The following DAGLB variants were observed in gnomAD, a reference collection of about 807,000 sequenced individuals.
The protein encoded by DAGLB is diacylglycerol lipase-beta.
DAGLB carries 66 observed loss-of-function variants against 72.1 expected under a neutral mutation model. The observed-to-expected ratio is 0.92, with a 90% CI of 0.75 to 1.12. The LOEUF (loss-of-function observed/expected upper bound fraction) is 1.12, where lower values mean the gene tolerates loss of function less well. DAGLB is among the 50% of genes most tolerant of loss of function. DAGLB has a pLI of 0.00. For missense variants in DAGLB, 1,065 were observed against 884.9 expected (o/e 1.20, Z -2.58); for synonymous variants, 414 against 359.5 (o/e 1.15, Z -1.71).
At chr7:6,427,247 T>C (rs977890044) in intron 6 of DAGLB, among the ~76,000 whole-genome samples, 1 of 152,220 alleles carries the variant, frequency 6.6e-6, no homozygotes, top group Admixed American at 6.6e-5. Context: ...TTCTTAGTAA[T>C]AGGGGACTGA....
intron 11 of DAGLB, among the ~76,000 whole-genome samples, chr7:6,414,181 T>G (rs954379265): frequency 6.6e-6 from 1 of 151,502 alleles, no homozygotes; most frequent in African/African-American, 2.4e-5. Flanking sequence ...CAGCTAATTT[T>G]TTGTATTTTT....
At chr7:6,434,434 C>T (rs1202454578) in intron 4 of DAGLB, among the ~76,000 whole-genome samples, 1 of 152,170 alleles carries the variant, frequency 6.6e-6, no homozygotes, top group Non-Finnish European at 1.5e-5. Context: ...TGCTTGGTAT[C>T]TGCTCAACAG....
intron 2 of DAGLB, among the ~76,000 whole-genome samples, chr7:6,444,304 A>G (rs1490173915): frequency 2.0e-5 from 3 of 152,086 alleles, no homozygotes; most frequent in Non-Finnish European, 2.9e-5. Flanking sequence ...AACCCTCACA[A>G]TGTAAAAATA....
intron 11 of DAGLB, among the ~76,000 whole-genome samples, chr7:6,413,967 A>C (rs188880591): frequency 2.6e-5 from 4 of 152,336 alleles, no homozygotes; most frequent in Non-Finnish European, 5.9e-5. Context: ...GACATAATGG[A>C]AACACCAGTC....
At chr7:6,424,973 C>A (rs752683373) in intron 7 of DAGLB, 138 bp from the exon 8 acceptor site, 9 of 765,410 alleles carry the variant, frequency 1.2e-5, no homozygotes. Context: ...TCTCCACTCA[C>A]GCTCACTACA....
chr7:6,431,192 G>A (rs1784477739), intron 5 of DAGLB, among the ~76,000 whole-genome samples: 1 of 151,880 alleles, frequency 6.6e-6, no homozygotes, highest in South Asian at 2.1e-4. Flanking sequence ...CTAGATGCCT[G>A]AAACTAGTAC....
At chr7:6,443,351 G>A (rs1784897731) in intron 2 of DAGLB, among the ~76,000 whole-genome samples, 1 of 151,990 alleles carries the variant, frequency 6.6e-6, no homozygotes, top group Non-Finnish European at 1.5e-5. Context: ...TAGTTGGGAG[G>A]CTGAGGCAGA....
At chr7:6,413,935 G>A (rs892195376) in intron 11 of DAGLB, among the ~76,000 whole-genome samples, 1 of 152,210 alleles carries the variant, frequency 6.6e-6, no homozygotes, top group Admixed American at 6.5e-5. Flanking sequence ...GAGGAACACA[G>A]ACACGCTTCC....
chr7:6,423,604 T>TTTGAGACAGAGTCTCA (rs1784205994), intron 8 of DAGLB, among the ~76,000 whole-genome samples: 1 of 146,170 alleles, frequency 6.8e-6, no homozygotes, highest in Admixed American at 6.8e-5. Context: ...TTTTTTTTTT[T>TTTGAGACAGAGTCTCA]CTGAGACAGG....
At chr7:6,412,909 G>C in intron 12 of DAGLB, 26 bp from the exon 13 acceptor site, 2 of 1,611,982 alleles carry the variant, frequency 1.2e-6, no homozygotes, top group South Asian at 1.1e-5. Flanking sequence ...GCACACTGAG[G>C]CTGGGACCTG....
Position 6,430,487 on chromosome 7 carries a change from C to A in DAGLB, c.922G>T (p.Gly308Cys). The A allele has an allele frequency of 6.4e-7, 1 of 1,560,914 alleles. No homozygotes were observed. The highest frequency in any genetic ancestry group is 8.7e-7 in the Non-Finnish European group (1 of 1,147,248). Reference sequence around the variant, plus strand: ...CAGACTGTGCCAACCCACCAGTCACCACCAATCCTGCACAGCCCCGTGAGG... The same window carrying A: ...CAGACTGTGCCAACCCACCAGTCACAACCAATCCTGCACAGCCCCGTGAGG... ...NPLTGLCRIG[G>C]DCCRSRTTDY... The change falls in exon 6 of 15, where the codon GGT (glycine) becomes TGT (cysteine). Residue 308 changes from glycine to cysteine, a missense_variant. Physicochemically the swap from Gly to Cys is radical, Grantham distance 159 (BLOSUM62 -3). Transcript: ENST00000297056.
chr7:6,414,565 C>T (rs779568408), intron 11 of DAGLB, among the ~76,000 whole-genome samples: 5 of 151,870 alleles, frequency 3.3e-5, no homozygotes, highest in East Asian at 1.9e-4. Flanking sequence ...CCTCCCAAAG[C>T]GCTGGGGTTA....
At chr7:6,430,731 T>G in intron 5 of DAGLB, 124 bp from the exon 6 acceptor site, 1 of 1,143,454 alleles carries the variant, frequency 8.7e-7, no homozygotes. Flanking sequence ...AATAGAACTC[T>G]CAGACGCCCA....
At chr7:6,416,545 G>C in intron 11 of DAGLB, 82 bp downstream of exon 11, 2 of 1,508,890 alleles carry the variant, frequency 1.3e-6, no homozygotes, top group Non-Finnish European at 1.8e-6. Flanking sequence ...TTCATCTCAG[G>C]AAAATAAAAG....
At chr7:6,423,553 A>G (rs1160627726) in intron 8 of DAGLB, among the ~76,000 whole-genome samples, 1 of 151,184 alleles carries the variant, frequency 6.6e-6, no homozygotes, top group Non-Finnish European at 1.5e-5. Context: ...CCTCCTGAGT[A>G]TCTGGGATTA....
At chr7:6,421,262 T>G (rs1232221786) in intron 9 of DAGLB, among the ~76,000 whole-genome samples, 1 of 152,164 alleles carries the variant, frequency 6.6e-6, no homozygotes, top group Non-Finnish European at 1.5e-5. Context: ...CTTCTCTCTC[T>G]TAGAACAAAC....
Position 6,409,476 on chromosome 7 carries a change from T to G in DAGLB, c.*361A>C, listed in dbSNP as rs1415952525. The G allele has an allele frequency of 8.3e-6, 2 of 240,712 alleles. No homozygotes were observed. Among genetic ancestry groups the G allele is most frequent in the East Asian group, 1.0e-4 (1 of 10,018 alleles). The allele number at this position is 240,712 out of a possible 1,614,324, so 14.9% of individuals were successfully genotyped here. On this transcript the variant is annotated 3_prime_UTR_variant, in exon 15 of 15. Transcript: ENST00000297056. Reference sequence around the variant, plus strand: ...TGGATGAAAAGAGCTGCCTTGGGGGTGGGAGGCTAAGGAACTGTTCACGGT... The same window carrying G: ...TGGATGAAAAGAGCTGCCTTGGGGGGGGGAGGCTAAGGAACTGTTCACGGT...
chr7:6,446,462 T>C (rs561779461), intron 1 of DAGLB, among the ~76,000 whole-genome samples: 40 of 94,218 alleles, frequency 4.2e-4, no homozygotes, highest in African/African-American at 1.5e-3. Flanking sequence ...TGGGCAACGA[T>C]ATGAGACTCC....
At chr7:6,432,698 G>A in intron 5 of DAGLB, 139 bp downstream of exon 5, 3 of 1,086,484 alleles carry the variant, frequency 2.8e-6, no homozygotes, top group Non-Finnish European at 3.7e-6. Context: ...GGGAGGGAAG[G>A]GGAGGAGGGG....
Sources: allele counts gnomAD v4.1 joint callset (sites outside exome capture counted in the v4.1 genomes callset), GRCh38; gene constraint gnomAD v4.1.1; transcripts MANE v1.5; gene names NCBI Gene and HGNC (gene_info 2026-07-23, HGNC 2026-07-21).